IKZF4: variants seen among roughly 807,000 people sequenced by gnomAD.
The protein encoded by IKZF4 is zinc finger protein Eos.
In IKZF4, 11 loss-of-function variants were observed where a neutral mutation model predicts 47.7. That is an observed-to-expected ratio of 0.23 (90% CI 0.15 to 0.38). The LOEUF is 0.38. Among genes scored for constraint, IKZF4 ranks in the 10% least tolerant of loss-of-function variants. IKZF4 has a pLI of 1.00. For missense variants in IKZF4, 557 were observed against 784.9 expected (o/e 0.71, Z 3.47); for synonymous variants, 298 against 299.4 (o/e 1.00, Z 0.05).
upstream of IKZF4, among the ~76,000 whole-genome samples, chr12:56,018,946 C>T (rs1016423685): frequency 4.6e-5 from 7 of 150,924 alleles, no homozygotes; most frequent in Non-Finnish European, 8.9e-5. Flanking sequence ...AGGCCAGGCA[C>T]GTGGCTCACG....
intron 3 of IKZF4, among the ~76,000 whole-genome samples, chr12:56,025,744 T>C (rs999820582): frequency 6.6e-6 from 1 of 152,126 alleles, no homozygotes; most frequent in Non-Finnish European, 1.5e-5. Context: ...TAAGCATGTC[T>C]GTCTTCCAGG....
chr12:56,015,221 C>T (rs891071457), intron 2 of IKZF4, among the ~76,000 whole-genome samples: 16 of 151,748 alleles, frequency 1.1e-4, no homozygotes, highest in South Asian at 2.1e-4. Flanking sequence ...GGATTACGGG[C>T]GCACCCCACC....
chr12:56,031,079 C>T (rs746484066), intron 5 of IKZF4, among the ~76,000 whole-genome samples: 5 of 151,912 alleles, frequency 3.3e-5, no homozygotes, highest in South Asian at 2.1e-4. Context: ...TGGTGAAACC[C>T]GTCTCTACTA....
intron 1 of IKZF4, among the ~76,000 whole-genome samples, chr12:56,023,042 G>A (rs1196913475): frequency 3.3e-5 from 5 of 152,114 alleles, no homozygotes; most frequent in East Asian, 1.9e-4. Context: ...CTCGTGATCC[G>A]CCCGCCTCGG....
At chr12:56,016,642 G>GCT (rs754149623), upstream of IKZF4, among the ~76,000 whole-genome samples, 55 of 151,808 alleles carry the variant, frequency 3.6e-4, no homozygotes, top group South Asian at 6.2e-4. Context: ...TGTTGCCCAG[G>GCT]CTGGAGTGCA....
chr12:56,012,096 C>T (rs1565807919), intron 2 of IKZF4, among the ~76,000 whole-genome samples: 1 of 152,006 alleles, frequency 6.6e-6, no homozygotes, highest in Non-Finnish European at 1.5e-5. Flanking sequence ...ACCGCAGAAC[C>T]CAGGTACTAA....
At chr12:56,028,251 C>A (rs1894339313) in intron 5 of IKZF4, among the ~76,000 whole-genome samples, 1 of 151,846 alleles carries the variant, frequency 6.6e-6, no homozygotes, top group Non-Finnish European at 1.5e-5. Flanking sequence ...CTTGGCCTGG[C>A]GCGGTGGCTC....
At position 56,035,306 on chromosome 12, in the gene IKZF4, T is replaced by C. The variant is rs1240510418; in HGVS notation, c.1733T>C (p.Val578Ala). The stretch of plus-strand genomic sequence containing the variant: ...CGGTACGAATTCTCTTCCCACATTG[T>C]CCGGGGGGAGCATAAGGTGGGCTAG... ...QDRYEFSSHI[V>A]RGEHKVG is the part of the protein sequence containing the mutation. The change falls in exon 8 of 8, where the codon GTC (valine) becomes GCC (alanine). Residue 578 changes from valine (V) to alanine (A), a missense_variant. This residue lies in a region of IKZF4 where 22 missense variants were observed against 65.2 expected (regional missense o/e 0.34). Coordinates refer to ENST00000547167, the MANE Select transcript of IKZF4 (RefSeq NM_022465.4). The surrounding 1 kb of genome is among the most constrained non-coding windows in gnomAD (Gnocchi z 6.1). The C allele has an allele frequency of 6.2e-7, 1 of 1,612,740 alleles. No individual in the cohort carries two copies.
chr12:56,034,852 G>A lies in IKZF4; in HGVS notation c.1279G>A (p.Asp427Asn), dbSNP rs1895474572. ...GSREAGEGPE[D>N]LADGGPLLYR... Reference sequence around the variant, plus strand: ...CCGAGAAGCAGGTGAGGGACCTGAGGACCTGGCTGATGGAGGTCCCCTCCT... The same window carrying A: ...CCGAGAAGCAGGTGAGGGACCTGAGAACCTGGCTGATGGAGGTCCCCTCCT... The change falls in exon 8 of 8, where the codon GAC (aspartate) becomes AAC (asparagine). Residue 427 changes from aspartate (D) to asparagine (N), a missense_variant. Physicochemically the swap from Asp to Asn is conservative, Grantham distance 23. This residue lies in a region of IKZF4 where 280 missense variants were observed against 314.0 expected (regional missense o/e 0.89). Coordinates refer to ENST00000547167, the MANE Select transcript of IKZF4 (RefSeq NM_022465.4). 5.0e-6 allele frequency: 8 copies of A among 1,613,230 alleles called. No homozygotes were observed. Among genetic ancestry groups the A allele is most frequent in the Non-Finnish European group, 6.8e-6 (8 of 1,179,554 alleles).
At chr12:56,019,742 A>C (rs1892601339), upstream of IKZF4, among the ~76,000 whole-genome samples, 1 of 152,176 alleles carries the variant, frequency 6.6e-6, no homozygotes, top group African/African-American at 2.4e-5. Context: ...AATCCTGTGG[A>C]GCTCTTTTCA....
In IKZF4 at chr12:56,021,380, C is replaced by G. The variant is rs757297884; in HGVS notation, c.-114C>G. 1.3e-5 allele frequency: 20 copies of G among 1,548,558 alleles called. No individual in the cohort carries two copies. Among genetic ancestry groups the G allele is most frequent in the Non-Finnish European group, 1.7e-5 (20 of 1,146,928 alleles). ...GGCTGCAGCCGTGGGCCTCTGCTCA[C>G]CGTGCCGCTGCTGCTGCCTGCGAAA... On this transcript the variant is annotated 5_prime_UTR_variant, in exon 1 of 8. Coordinates refer to ENST00000547167, the MANE Select transcript of IKZF4 (RefSeq NM_022465.4).
upstream of IKZF4, among the ~76,000 whole-genome samples, chr12:56,016,183 CAG>C (rs747019578): frequency 1.3e-5 from 2 of 151,772 alleles, no homozygotes; most frequent in African/African-American, 4.8e-5. Flanking sequence ...GGCAGGAAAA[CAG>C]ATACTTTACT....
intron 2 of IKZF4, 164 bp from the exon 3 acceptor site, chr12:56,024,890 C>T (rs1893686236): frequency 6.8e-7 from 1 of 1,479,112 alleles, no homozygotes; most frequent in African/African-American, 1.4e-5. Context: ...GGCATCCAGA[C>T]TGGCGGGGGC....
intron 1 of IKZF4, 63 bp from the exon 2 acceptor site, chr12:56,023,608 G>A: frequency 1.3e-6 from 2 of 1,569,726 alleles, no homozygotes; most frequent in Non-Finnish European, 8.7e-7. Flanking sequence ...GACTTTAGGA[G>A]AGGATATGAA....
Position 56,033,241 on chromosome 12 carries a change from C to T in IKZF4, c.917C>T (p.Ser306Phe). The T allele has an allele frequency of 6.2e-7, 1 of 1,614,040 alleles. No homozygotes were observed. Among genetic ancestry groups the T allele is most frequent in the South Asian group, 1.1e-5 (1 of 91,084 alleles). ...EMVPDSMLHS[S>F]SERPTFIDRL... is the part of the protein sequence containing the mutation. ...GTGCCAGACTCCATGCTGCACTCAT[C>T]CTCTGAGCGGCCAACTTTCATCGAT... The change falls in exon 7 of 8, where the codon TCC becomes TTC. Residue 306 changes from serine to phenylalanine, a missense_variant. Physicochemically the swap from Ser to Phe is radical, Grantham distance 155. Transcript: ENST00000547167.
rs1192304741 is a variant in IKZF4, at chr12:56,025,155, AGTG to A, written c.286_286+2del. On this transcript the variant is annotated inframe_deletion and splice_region_variant, in exon 3 of 8. Transcript: ENST00000547167. Reference sequence around the variant, plus strand: ...GCACTCTTCTCCTAGCCGCTCACTCAGTGGTAAGTGTAACCTCCTACCACCTCC... The same window carrying A: ...GCACTCTTCTCCTAGCCGCTCACTCAGTAAGTGTAACCTCCTACCACCTCC... The A allele has an allele frequency of 6.3e-7, 1 of 1,583,748 alleles. No homozygotes were observed. Among genetic ancestry groups the A allele is most frequent in the Non-Finnish European group, 8.6e-7 (1 of 1,166,844 alleles).
chr12:56,021,292 TCTCACA>T lies in IKZF4; in HGVS notation c.-200_-195del. The T allele has an allele frequency of 5.9e-6, 5 of 842,348 alleles. No individual in the cohort carries two copies. The African/African-American group carries it at 1.1e-4, about 18-fold the overall frequency. 52.2% of individuals were successfully genotyped at this position (842,348 alleles called of 1,614,324 possible). A position where few individuals can be genotyped will look rare whatever the true frequency, so the allele number is the denominator to read the frequency against. On this transcript the variant is annotated 5_prime_UTR_variant, in exon 1 of 8. Transcript: ENST00000547167. ...TTCTCTCCCTCTCTCTCTCTCTCTCTCTCACACACACACACACACACACACTCAACA... is the reference window on the plus strand; with the variant it reads ...TTCTCTCCCTCTCTCTCTCTCTCTCTCACACACACACACACACACTCAACA...
intron 5 of IKZF4, among the ~76,000 whole-genome samples, chr12:56,031,520 TAC>T (rs1894917198): frequency 6.6e-6 from 1 of 152,212 alleles, no homozygotes; most frequent in Non-Finnish European, 1.5e-5. Context: ...TACAAGAGTT[TAC>T]AGAGCCTGAG....
chr12:56,032,728 C>CT lies in IKZF4; in HGVS notation c.865+19dup. The CT allele has an allele frequency of 1.9e-6, 3 of 1,613,772 alleles. No individual in the cohort carries two copies. The highest frequency in any genetic ancestry group is 2.5e-6 in the Non-Finnish European group (3 of 1,179,700). On this transcript the variant is annotated intron_variant, in intron 6 of 7. Coordinates refer to ENST00000547167, the MANE Select transcript of IKZF4 (RefSeq NM_022465.4). Reference sequence around the variant, plus strand: ...CCAACCAGGTAGGGCTATTGATGTACTACTGGGGAGTTAAAAGGGGATGGT... The same window carrying CT: ...CCAACCAGGTAGGGCTATTGATGTACTTACTGGGGAGTTAAAAGGGGATGGT...
Sources: gnomAD v4.1 joint callset for allele counts (sites outside exome capture counted in the v4.1 genomes callset) on GRCh38, gnomAD v4.1.1 for gene constraint, gnomAD v4.1.1 regional missense constraint, Gnocchi (gnomAD v3.1) non-coding constraint, MANE v1.5 for transcripts, NCBI Gene and HGNC (gene_info 2026-07-23, HGNC 2026-07-21) for gene names.